NID2: variants seen among roughly 807,000 people sequenced by gnomAD.
The protein encoded by NID2 is nidogen-2.
A neutral mutation model predicts 145.4 loss-of-function variants in NID2; 83 were observed. That is an observed-to-expected ratio of 0.57 (90% confidence interval 0.48 to 0.69). NID2 has a LOEUF of 0.69. NID2 is among the 30% of genes least tolerant of loss of function. NID2 has a pLI of 0.00. For missense variants in NID2, 1,807 were observed against 1,765.7 expected, an observed-to-expected ratio of 1.02 and a Z score of -0.42; for synonymous variants, 739 against 701.3, an observed-to-expected ratio of 1.05 and a Z score of -0.85.
At chr14:52,063,265 C>T (rs978974986) in intron 2 of NID2, among the ~76,000 whole-genome samples, 1 of 152,218 alleles carries the variant, frequency 6.6e-6, no homozygotes, top group African/African-American at 2.4e-5. Flanking sequence ...GCTGCCAAAC[C>T]TGACAAACGA....
chr14:52,043,144 T>C (rs563477894), intron 5 of NID2, among the ~76,000 whole-genome samples: 1 of 152,310 alleles, frequency 6.6e-6, no homozygotes, highest in African/African-American at 2.4e-5. Flanking sequence ...TGGGTCCCAT[T>C]GCAGAGTTGG....
chr14:52,068,074 G>A lies in NID2; in HGVS notation c.318C>T (p.Ile106=). The change falls in exon 2 of 22, where the codon ATC becomes ATT. Residue 106 remains isoleucine (I), a synonymous_variant. Transcript: ENST00000216286. The stretch of plus-strand genomic sequence containing the variant: ...TGTCGATGTCCGCCAGAAAAGGGGC[G>A]ATGGCCGGGAAGTCGGTGGGGAAAT... ...DYDFPTDFPA[I]APFLADIDTS... 1 of 1,613,786 alleles carries A rather than the reference G, an allele frequency of 6.2e-7. No individual in the cohort carries two copies. The highest frequency in any genetic ancestry group is 1.1e-5 in the South Asian group (1 of 90,986).
intron 5 of NID2, among the ~76,000 whole-genome samples, chr14:52,044,793 G>A (rs1011301052): frequency 6.6e-6 from 1 of 151,774 alleles, no homozygotes; most frequent in South Asian, 2.1e-4. Flanking sequence ...TTTTGGTAGG[G>A]TGGGTTGGGG....
At chr14:52,059,904 C>A (rs1398019518) in intron 3 of NID2, among the ~76,000 whole-genome samples, 1 of 152,174 alleles carries the variant, frequency 6.6e-6, no homozygotes, top group South Asian at 2.1e-4. Flanking sequence ...TGTTCTGTTT[C>A]CAGTATCTAT....
In NID2 at chr14:52,005,605, G is replaced by T. The variant is rs894245287; in HGVS notation, c.4118-109C>A. 7 of 1,459,384 alleles carry T rather than the reference G, an allele frequency of 4.8e-6. No individual in the cohort carries two copies. In the African/African-American group the frequency reaches 9.8e-5, roughly 20 times the overall value. 90.4% of individuals were successfully genotyped at this position (1,459,384 alleles called of 1,614,324 possible). On this transcript the variant is annotated intron_variant, in intron 21 of 21. Coordinates refer to ENST00000216286, the MANE Select transcript of NID2 (RefSeq NM_007361.4). ...GTATAAACTAGGTAGATTTAAGGTAGTAAAGACTGGCCCTCAGGGCAGGAA... is the reference window on the plus strand; with the variant it reads ...GTATAAACTAGGTAGATTTAAGGTATTAAAGACTGGCCCTCAGGGCAGGAA...
intron 12 of NID2, among the ~76,000 whole-genome samples, chr14:52,020,737 A>G (rs1161720091): frequency 6.6e-6 from 1 of 152,162 alleles, no homozygotes; most frequent in Non-Finnish European, 1.5e-5. Flanking sequence ...TTAACCAGGT[A>G]TTTTCTTTAC....
chr14:52,021,859 G>T (rs1432107589), intron 12 of NID2, among the ~76,000 whole-genome samples: 1 of 152,176 alleles, frequency 6.6e-6, no homozygotes, highest in African/African-American at 2.4e-5. Context: ...CTCTTCAACA[G>T]GACAATTCAA....
Position 52,005,246 on chromosome 14 carries a change from G to GTTAAAATTCTGTTACCTT in NID2, c.*222_*239dup. On this transcript the variant is annotated 3_prime_UTR_variant, in exon 22 of 22. Coordinates refer to ENST00000216286, the MANE Select transcript of NID2 (RefSeq NM_007361.4). ...CAAGAAGTTGCTTTAATAAGCAACAGTTAAAATTCTGTTACCTTTTTAAAC... is the reference window on the plus strand; with the variant it reads ...CAAGAAGTTGCTTTAATAAGCAACAGTTAAAATTCTGTTACCTTTTAAAATTCTGTTACCTTTTTAAAC... 1 of 380,182 alleles carries GTTAAAATTCTGTTACCTT rather than the reference G, an allele frequency of 2.6e-6. No individual in the cohort carries two copies. 23.6% of individuals were successfully genotyped at this position (380,182 alleles called of 1,614,324 possible). A position where few individuals can be genotyped will look rare whatever the true frequency, so the allele number is the denominator to read the frequency against.
chr14:52,022,119 T>G (rs1387376800), intron 12 of NID2, among the ~76,000 whole-genome samples: 1 of 152,212 alleles, frequency 6.6e-6, no homozygotes, highest in Non-Finnish European at 1.5e-5. Flanking sequence ...TTGTTACTTT[T>G]GAACTCAAGA....
At chr14:52,058,947 A>G (rs1450799672) in intron 3 of NID2, among the ~76,000 whole-genome samples, 2 of 151,966 alleles carry the variant, frequency 1.3e-5, no homozygotes, top group Admixed American at 6.6e-5. Flanking sequence ...GGCAGCCTAG[A>G]TGGAGCCCTA....
intron 2 of NID2, among the ~76,000 whole-genome samples, chr14:52,066,416 ATAACT>A (rs1329024340): frequency 1.3e-5 from 2 of 152,252 alleles, no homozygotes; most frequent in South Asian, 2.1e-4. Flanking sequence ...ATAGTCAATA[ATAACT>A]TAATTGTACA....
chr14:52,030,502 AGAAAGAAAGAAAGAAAAGAAAG>A, intron 9 of NID2, among the ~76,000 whole-genome samples: 1 of 33,174 alleles, frequency 3.0e-5, no homozygotes, highest in Non-Finnish European at 8.4e-5. Context: ...AGAAAGAAAG[AGAAAGAAAGAAAGAAAAGAAAG>A]AAAGAAAGAA....
chr14:52,055,264 T>C (rs1892807953), intron 3 of NID2, among the ~76,000 whole-genome samples: 1 of 152,228 alleles, frequency 6.6e-6, no homozygotes, highest in African/African-American at 2.4e-5. Flanking sequence ...ATCTATGTTA[T>C]ATTATGACAG....
At chr14:52,015,370 T>A in intron 14 of NID2, 95 bp from the exon 15 acceptor site, 1 of 1,180,540 alleles carries the variant, frequency 8.5e-7, no homozygotes, top group Non-Finnish European at 1.2e-6. Flanking sequence ...CCTGGCCTCC[T>A]GGCCTTCCTT....
rs1892754654 is a variant in NID2 at position 52,053,745 on chromosome 14, C to T, written c.1263G>A (p.Gln421=). The T allele has an allele frequency of 6.2e-7, 1 of 1,614,130 alleles. No homozygotes were observed. The highest frequency in any genetic ancestry group is 1.7e-5 in the Admixed American group (1 of 60,006). Residue 421 remains glutamine, a synonymous_variant, in exon 5 of 22, where the codon CAG becomes CAA. Coordinates refer to ENST00000216286, the MANE Select transcript of NID2 (RefSeq NM_007361.4). Reference sequence around the variant, plus strand: ...GCACTGGCCCTCCATCTGGGTAGGGCTGGATGCTTCCGTTTTCGGGGTACG... The same window carrying T: ...GCACTGGCCCTCCATCTGGGTAGGGTTGGATGCTTCCGTTTTCGGGGTACG... ...PPPYPENGSI[Q]PYPDGGPVPS...
At chr14:52,056,308 A>G (rs973518339) in intron 3 of NID2, among the ~76,000 whole-genome samples, 5 of 152,324 alleles carry the variant, frequency 3.3e-5, no homozygotes, top group East Asian at 3.9e-4. Context: ...ATAAATCACT[A>G]TCTGGGTTTT....
intron 14 of NID2, among the ~76,000 whole-genome samples, chr14:52,018,180 C>A (rs1891281955): frequency 6.6e-6 from 1 of 152,242 alleles, no homozygotes; most frequent in Admixed American, 6.5e-5. Context: ...CTTACTTTCA[C>A]ACATTAAAAG....
At chr14:52,035,942 C>T (rs1232471664) in intron 9 of NID2, among the ~76,000 whole-genome samples, 1 of 150,478 alleles carries the variant, frequency 6.6e-6, no homozygotes, top group Non-Finnish European at 1.5e-5. Flanking sequence ...CTCCTGACCT[C>T]AGGTGATCCA....
rs758313964 is a variant in NID2, at chr14:52,020,189, C to A, written c.2675-11G>T. The A allele has an allele frequency of 4.3e-6, 7 of 1,612,910 alleles. No individual in the cohort carries two copies. Among genetic ancestry groups the A allele is most frequent in the South Asian group, 1.1e-5 (1 of 90,996 alleles). On this transcript the variant is annotated splice_polypyrimidine_tract_variant and intron_variant, in intron 12 of 21. Coordinates refer to ENST00000216286, the MANE Select transcript of NID2 (RefSeq NM_007361.4). ...AGCATTCATCTACATCTGCAGAGGTCAGAAACAGAAGAAAGAAGCAAAGAA... is the reference window on the plus strand; with the variant it reads ...AGCATTCATCTACATCTGCAGAGGTAAGAAACAGAAGAAAGAAGCAAAGAA...
Sources: allele counts gnomAD v4.1 joint callset (sites outside exome capture counted in the v4.1 genomes callset), GRCh38; gene constraint gnomAD v4.1.1; transcripts MANE v1.5; gene names NCBI Gene and HGNC (gene_info 2026-07-23, HGNC 2026-07-21).